The following C1QTNF4 variants were observed in gnomAD, a reference collection of about 807,000 sequenced individuals.
C1QTNF4 encodes the protein complement C1q tumor necrosis factor-related protein 4.
C1QTNF4 carries 12 observed loss-of-function variants against 14.6 expected under a neutral mutation model. The observed-to-expected ratio is 0.82, with a 90% CI of 0.53 to 1.33. C1QTNF4 has a LOEUF of 1.33. Ranked by LOEUF, C1QTNF4 falls within the 40% of genes most tolerant of loss-of-function variation. The probability of loss-of-function intolerance (pLI) is 0.00; values close to 1 mark genes in which losing one functional copy is unlikely to be tolerated. For missense variants in C1QTNF4, 558 were observed against 500.3 expected (o/e 1.12, Z -1.10); for synonymous variants, 278 against 246.6 (o/e 1.13, Z -1.19).
Position 47,589,779 on chromosome 11 carries a change from T to C in C1QTNF4, c.*42A>G. On this transcript the variant is annotated 3_prime_UTR_variant, in exon 2 of 2. Transcript: ENST00000302514. Reference sequence around the variant, plus strand: ...TTCGAGCCTCCGGCCCGGCCTGGCATGCACGCCCCTGGCCCTCCCGGGCTC... The same window carrying C: ...TTCGAGCCTCCGGCCCGGCCTGGCACGCACGCCCCTGGCCCTCCCGGGCTC... 1.4e-6 allele frequency: 2 copies of C among 1,445,288 alleles called. No homozygotes were observed. Among genetic ancestry groups the C allele is most frequent in the Non-Finnish European group, 1.8e-6 (2 of 1,097,004 alleles). The allele number at this position is 1,445,288 out of a possible 1,614,324, so 89.5% of individuals were successfully genotyped here.
At position 47,590,412 on chromosome 11, in the gene C1QTNF4, C is replaced by T. The variant is rs1238897121; in HGVS notation, c.399G>A (p.Trp133Ter). Residue 133 changes from tryptophan (W) to a stop codon, truncating the protein, a stop_gained, in exon 2 of 2, where the codon TGG (tryptophan) becomes TGA (stop). Coordinates refer to ENST00000302514, the MANE Select transcript of C1QTNF4 (RefSeq NM_031909.3). LOFTEE classifies it high-confidence loss of function. ...MLQLDYGDTV[W>*]LRLHGAPQYA... ...ACTGCGGGGCGCCATGCAGCCGCAG[C>T]CACACTGTGTCGCCGTAGTCGAGCT... 1 of 1,496,014 alleles carries T rather than the reference C, an allele frequency of 6.7e-7. No individual in the cohort carries two copies. The highest frequency in any genetic ancestry group is 8.9e-7 in the Non-Finnish European group (1 of 1,129,262). 92.7% of individuals were successfully genotyped at this position (1,496,014 alleles called of 1,614,324 possible).
At chr11:47,592,513 A>C (rs945060956) in intron 1 of C1QTNF4, among the ~76,000 whole-genome samples, 2 of 151,876 alleles carry the variant, frequency 1.3e-5, no homozygotes, top group African/African-American at 4.8e-5. Flanking sequence ...GGGTTTAGGG[A>C]CTCAGTCACT....
At chr11:47,595,125 C>T (rs1306931564), upstream of C1QTNF4, among the ~76,000 whole-genome samples, 3 of 152,196 alleles carry the variant, frequency 2.0e-5, no homozygotes, top group Non-Finnish European at 4.4e-5. Flanking sequence ...CAGCAGGGCA[C>T]CCGGGCTGGG....
chr11:47,592,368 G>A (rs116603403), intron 1 of C1QTNF4, among the ~76,000 whole-genome samples: 2,530 of 152,316 alleles, frequency 0.017, 71 homozygotes, highest in African/African-American at 0.058. Context: ...ATGGGGAAGA[G>A]ACCTCACACA....
intron 1 of C1QTNF4, among the ~76,000 whole-genome samples, chr11:47,591,538 AC>A (rs2097275678): frequency 6.6e-6 from 1 of 150,696 alleles, no homozygotes; most frequent in Non-Finnish European, 1.5e-5. Flanking sequence ...ACAGGCTTGC[AC>A]CCAGCACACC....
Position 47,590,254 on chromosome 11 carries a change from C to G in C1QTNF4, c.557G>C (p.Ser186Thr), listed in dbSNP as rs1385242849. The G allele has an allele frequency of 7.6e-6, 11 of 1,448,030 alleles. No individual in the cohort carries two copies. The African/African-American group carries it at 1.2e-4, about 15-fold the overall frequency. The allele number at this position is 1,448,030 out of a possible 1,614,324, so 89.7% of individuals were successfully genotyped here. Reference sequence around the variant, plus strand: ...GGGGCCAGCGTCCGAGCCCACCAAGCTGCGCGTGCGCGCCGCCGAGAAGGC... The same window carrying G: ...GGGGCCAGCGTCCGAGCCCACCAAGGTGCGCGTGCGCGCCGCCGAGAAGGC... ...RSAFSAARTR[S>T]LVGSDAGPGP... The change falls in exon 2 of 2, where the codon AGC becomes ACC. Residue 186 changes from serine to threonine, a missense_variant. Physicochemically the swap from Ser to Thr is moderately conservative, Grantham distance 58. Transcript: ENST00000302514.
At position 47,589,761 on chromosome 11, in the gene C1QTNF4, C is replaced by T; in HGVS notation, c.*60G>A. On this transcript the variant is annotated 3_prime_UTR_variant, in exon 2 of 2. Transcript: ENST00000302514. ...TGGCGCTCGCGCGGGACTTTCGAGC[C>T]TCCGGCCCGGCCTGGCATGCACGCC... is the stretch of plus-strand genomic sequence containing the variant. 7.1e-6 allele frequency: 10 copies of T among 1,414,012 alleles called. No homozygotes were observed. The highest frequency in any genetic ancestry group is 9.3e-6 in the Non-Finnish European group (10 of 1,078,298). 87.6% of individuals were successfully genotyped at this position (1,414,012 alleles called of 1,614,324 possible).
At position 47,589,794 on chromosome 11, in the gene C1QTNF4, C is replaced by G; in HGVS notation, c.*27G>C. The G allele has an allele frequency of 6.7e-7, 1 of 1,486,034 alleles. No homozygotes were observed. Among genetic ancestry groups the G allele is most frequent in the South Asian group, 1.3e-5 (1 of 74,094 alleles). 92.1% of individuals were successfully genotyped at this position (1,486,034 alleles called of 1,614,324 possible). A position where few individuals can be genotyped will look rare whatever the true frequency, so the allele number is the denominator to read the frequency against. ...CGGCCTGGCATGCACGCCCCTGGCCCTCCCGGGCTCTTCTCTGGCCCGGGG... is the reference window on the plus strand; with the variant it reads ...CGGCCTGGCATGCACGCCCCTGGCCGTCCCGGGCTCTTCTCTGGCCCGGGG... On this transcript the variant is annotated 3_prime_UTR_variant, in exon 2 of 2. Coordinates refer to ENST00000302514, the MANE Select transcript of C1QTNF4 (RefSeq NM_031909.3).
At position 47,592,582 on chromosome 11, in the gene C1QTNF4, T is replaced by C. The variant is rs557425980; in HGVS notation, c.-6+1566A>G. Among the ~76,000 whole-genome samples the C allele has an allele frequency of 2.5e-4, 38 of 152,258 alleles. 1 individual carries two copies. In the South Asian group the frequency reaches 6.6e-3, roughly 27 times the overall value. ...AACTCAAAGGAGTCACTCTCTGATG[T>C]AGGGATTCCATCCTGCTTCCTAGTA... On this transcript the variant is annotated intron_variant, in intron 1 of 1. Coordinates refer to ENST00000302514, the MANE Select transcript of C1QTNF4 (RefSeq NM_031909.3).
Position 47,590,476 on chromosome 11 carries a change from G to T in C1QTNF4, c.335C>A (p.Pro112Gln), listed in dbSNP as rs1252476698. The stretch of plus-strand genomic sequence containing the variant: ...CTGGCTGGCTGCGCGCCGCGCGCCT[G>T]GCCGCCGCTGCTCGTCGAAGGCCAG... ...QALAFDEQRR[P>Q]GARRAASQSA... Residue 112 changes from proline to glutamine, a missense_variant, in exon 2 of 2, where the codon CCA (proline) becomes CAA (glutamine). By Grantham distance (76) the Pro-to-Gln change is moderately conservative. Coordinates refer to ENST00000302514, the MANE Select transcript of C1QTNF4 (RefSeq NM_031909.3). 1.3e-6 allele frequency: 2 copies of T among 1,535,142 alleles called. No homozygotes were observed. Among genetic ancestry groups the T allele is most frequent in the Non-Finnish European group, 1.7e-6 (2 of 1,143,120 alleles).
intron 1 of C1QTNF4, among the ~76,000 whole-genome samples, chr11:47,593,687 C>T (rs2097276644): frequency 6.6e-6 from 1 of 152,080 alleles, no homozygotes; most frequent in African/African-American, 2.4e-5. Flanking sequence ...CTGGCTCTGT[C>T]CAGGTGGGGT....
intron 1 of C1QTNF4, among the ~76,000 whole-genome samples, 169 bp from the exon 2 acceptor site, chr11:47,590,984 T>C (rs1471329737): frequency 6.6e-6 from 1 of 152,206 alleles, no homozygotes; most frequent in Non-Finnish European, 1.5e-5. Context: ...AGCCTCACTG[T>C]CACTTGGAGG....
intron 1 of C1QTNF4, among the ~76,000 whole-genome samples, chr11:47,593,600 C>T (rs900442312): frequency 2.0e-5 from 3 of 152,156 alleles, no homozygotes; most frequent in Non-Finnish European, 4.4e-5. Context: ...CCCTGAACCC[C>T]CTTCCCTGAG....
intron 1 of C1QTNF4, among the ~76,000 whole-genome samples, chr11:47,591,401 T>G (rs1445563620): frequency 2.2e-5 from 3 of 138,504 alleles, no homozygotes; most frequent in Non-Finnish European, 4.7e-5. Context: ...CCCCCCCTTT[T>G]TTTTTTGAGA....
In C1QTNF4 at chr11:47,590,241, C is replaced by T. The variant is rs768872465; in HGVS notation, c.570G>A (p.Ser190=). 15 of 1,496,518 alleles carry T rather than the reference C, an allele frequency of 1.0e-5. No individual in the cohort carries two copies. The East Asian group carries it at 3.6e-4, about 36-fold the overall frequency. The allele number at this position is 1,496,518 out of a possible 1,614,324, so 92.7% of individuals were successfully genotyped here. ...SAARTRSLVG[S]DAGPGPRHQP... The stretch of plus-strand genomic sequence containing the variant: ...GGTGCCGCGGCCCGGGGCCAGCGTC[C>T]GAGCCCACCAAGCTGCGCGTGCGCG... Residue 190 remains serine (S), a synonymous_variant, in exon 2 of 2, where the codon TCG becomes TCA. Coordinates refer to ENST00000302514, the MANE Select transcript of C1QTNF4 (RefSeq NM_031909.3).
chr11:47,593,262 T>C (rs2097276478), intron 1 of C1QTNF4, among the ~76,000 whole-genome samples: 1 of 152,212 alleles, frequency 6.6e-6, no homozygotes, highest in South Asian at 2.1e-4. Flanking sequence ...CAATTTGTTC[T>C]GTGCCTCAGT....
chr11:47,590,762 GGGCCCAGCAGGCCGCTGGGCCCAGCA>G lies in C1QTNF4; in HGVS notation c.23_48del (p.Leu8ProfsTer11), dbSNP rs770320241. The G allele has an allele frequency of 1.5e-4, 232 of 1,571,406 alleles. 1 individual carries two copies. The highest frequency in any genetic ancestry group is 4.4e-4 in the South Asian group (38 of 87,010). ...GATCCCGGGCCGGGGGTCGGGCCCA[GGGCCCAGCAGGCCGCTGGGCCCAGCA>G]GGCCCAGCAGAAGCGGCAGCATGGC... is the stretch of plus-strand genomic sequence containing the variant. On this transcript the variant is annotated frameshift_variant, in exon 2 of 2. Transcript: ENST00000302514. LOFTEE classifies it high-confidence loss of function.
chr11:47,592,500 T>C (rs183986932), intron 1 of C1QTNF4, among the ~76,000 whole-genome samples: 1 of 152,202 alleles, frequency 6.6e-6, no homozygotes, highest in East Asian at 1.9e-4. Flanking sequence ...GTTCTTGACG[T>C]AAGGGTTTAG....
At chr11:47,594,916 C>T (rs1168611484), upstream of C1QTNF4, among the ~76,000 whole-genome samples, 1 of 150,832 alleles carries the variant, frequency 6.6e-6, no homozygotes, top group East Asian at 1.9e-4. Context: ...AGGGAGTCTG[C>T]AGGCATCAGA....
Sources: allele counts gnomAD v4.1 joint callset (sites outside exome capture counted in the v4.1 genomes callset), GRCh38; gene constraint gnomAD v4.1.1; transcripts MANE v1.5; gene names NCBI Gene and HGNC (gene_info 2026-07-23, HGNC 2026-07-21).